ITGBL1: variants seen among roughly 807,000 people sequenced by gnomAD.
ITGBL1 encodes the protein integrin beta-like protein 1.
ITGBL1 carries 51 observed loss-of-function variants against 68.5 expected under a neutral mutation model. The ratio of observed to expected loss-of-function variants is 0.74; its 90% CI spans 0.59 to 0.94. The LOEUF is 0.94. Among genes scored for constraint, ITGBL1 ranks in the 40% least tolerant of loss-of-function variants. ITGBL1 has a pLI of 0.00. For missense variants in ITGBL1, 649 were observed against 647.4 expected (o/e 1.00, Z -0.03); for synonymous variants, 209 against 227.3 (o/e 0.92, Z 0.72).
intron 7 of ITGBL1, among the ~76,000 whole-genome samples, chr13:101,637,470 A>G (rs1023321303): frequency 1.3e-5 from 2 of 151,280 alleles, no homozygotes; most frequent in African/African-American, 4.9e-5. Context: ...CAGCCTCCCG[A>G]GTAGCTGGGA....
At chr13:101,652,605 T>C (rs2139456593) in intron 7 of ITGBL1, among the ~76,000 whole-genome samples, 1 of 152,274 alleles carries the variant, frequency 6.6e-6, no homozygotes, top group East Asian at 1.9e-4. Flanking sequence ...AATCCAAATT[T>C]TTTGTCTGAG....
chr13:101,661,797 A>T (rs926252468), intron 7 of ITGBL1, among the ~76,000 whole-genome samples: 1 of 152,176 alleles, frequency 6.6e-6, no homozygotes, highest in Non-Finnish European at 1.5e-5. Context: ...AGAAAAGACT[A>T]GGTTTAGAAA....
chr13:101,517,826 G>A (rs896028169), intron 2 of ITGBL1, among the ~76,000 whole-genome samples: 6 of 152,126 alleles, frequency 3.9e-5, no homozygotes, highest in African/African-American at 1.4e-4. Context: ...TGGGGGTAGG[G>A]CTGGAGAGGA....
At chr13:101,461,867 C>T (rs2048322783) in intron 2 of ITGBL1, among the ~76,000 whole-genome samples, 1 of 152,196 alleles carries the variant, frequency 6.6e-6, no homozygotes, top group African/African-American at 2.4e-5. Flanking sequence ...AACCTTGAGG[C>T]TTAAACAGCT....
chr13:101,490,117 G>A (rs1259568885), intron 2 of ITGBL1: 1 of 689,540 alleles, frequency 1.5e-6, no homozygotes, highest in Non-Finnish European at 2.4e-6. Flanking sequence ...TTGGAGGTGG[G>A]GCCTTTTGGA....
At chr13:101,580,553 T>A (rs1300512357) in intron 5 of ITGBL1, among the ~76,000 whole-genome samples, 1 of 152,200 alleles carries the variant, frequency 6.6e-6, no homozygotes, top group Non-Finnish European at 1.5e-5. Context: ...ACTTATCATT[T>A]ACATTAGGTA....
intron 4 of ITGBL1, among the ~76,000 whole-genome samples, chr13:101,577,167 C>G (rs2139275217): frequency 6.6e-6 from 1 of 152,232 alleles, no homozygotes; most frequent in African/African-American, 2.4e-5. Flanking sequence ...ACAAGGACAC[C>G]AGCACTGCAG....
At chr13:101,478,270 G>A (rs777128508) in intron 2 of ITGBL1, among the ~76,000 whole-genome samples, 4 of 151,660 alleles carry the variant, frequency 2.6e-5, no homozygotes, top group Non-Finnish European at 3.0e-5. Flanking sequence ...AAAAGCATTG[G>A]ATAAGTCACT....
chr13:101,701,632 T>G (rs531714452), intron 8 of ITGBL1, among the ~76,000 whole-genome samples: 1 of 152,276 alleles, frequency 6.6e-6, no homozygotes, highest in Non-Finnish European at 1.5e-5. Flanking sequence ...TTATTCTTAA[T>G]AATATTGTAA....
intron 2 of ITGBL1, among the ~76,000 whole-genome samples, chr13:101,499,534 A>G (rs1257329379): frequency 6.6e-6 from 1 of 152,170 alleles, no homozygotes; most frequent in Non-Finnish European, 1.5e-5. Context: ...GTTTCTCCCG[A>G]CTTTGACTTT....
intron 7 of ITGBL1, among the ~76,000 whole-genome samples, chr13:101,604,668 T>A (rs2030581659): frequency 6.6e-6 from 1 of 150,536 alleles, no homozygotes; most frequent in Non-Finnish European, 1.5e-5. Flanking sequence ...GTATGAAAAC[T>A]TGTAAAGAGT....
In ITGBL1 at chr13:101,547,025, A is replaced by G. The variant is rs531374123; in HGVS notation, c.317-20674A>G. On this transcript the variant is annotated intron_variant, in intron 2 of 10. Coordinates refer to ENST00000376180, the MANE Select transcript of ITGBL1 (RefSeq NM_004791.3). ...AACACAAAATAAAATCCTATTGATT[A>G]CTAAAAATATCTCTTGGAAATCTTA... is the stretch of plus-strand genomic sequence containing the variant. 1.1e-4 allele frequency among the ~76,000 whole-genome samples: 17 copies of G among 152,166 alleles called. 1 individual carries two copies. In the South Asian group the frequency reaches 3.5e-3, roughly 31 times the overall value.
downstream of ITGBL1, chr13:101,717,117 T>C (rs1432299935): frequency 2.0e-5 from 3 of 152,244 alleles, no homozygotes; most frequent in East Asian, 5.8e-4. Context: ...TACTTGGAAA[T>C]TTTATTTTAA....
intron 2 of ITGBL1, among the ~76,000 whole-genome samples, chr13:101,555,666 T>C (rs2049992716): frequency 7.4e-6 from 1 of 135,204 alleles, no homozygotes. Context: ...TGTATATATA[T>C]GCATGTATTT....
intron 2 of ITGBL1, among the ~76,000 whole-genome samples, chr13:101,557,956 A>T (rs9518444): frequency 6.6e-6 from 1 of 151,656 alleles, no homozygotes; most frequent in Non-Finnish European, 1.5e-5. Flanking sequence ...AGGCATGGTG[A>T]TGCACTCCTG....
intron 2 of ITGBL1, among the ~76,000 whole-genome samples, chr13:101,469,830 A>C (rs983480991): frequency 2.0e-5 from 3 of 152,214 alleles, no homozygotes; most frequent in African/African-American, 7.2e-5. Context: ...AAAACTAAGC[A>C]GGCAGGTTTG....
At position 101,706,780 on chromosome 13, in the gene ITGBL1, G is replaced by A. The variant is rs757663316; in HGVS notation, c.1157G>A (p.Arg386His). Residue 386 changes from arginine (R) to histidine (H), a missense_variant, in exon 9 of 11, where the codon CGC becomes CAC. Arg to His is a conservative substitution (Grantham distance 29). Transcript: ENST00000376180. The part of the protein sequence containing the change: ...CGGHGTCSCG[R>H]CVCERGWFGK... ...GGCCACGGCACATGTTCCTGTGGTC[G>A]CTGTGTTTGTGAGAGAGGATGGTTT... 7.4e-6 allele frequency: 12 copies of A among 1,614,044 alleles called. No individual in the cohort carries two copies. The highest frequency in any genetic ancestry group is 1.3e-5 in the African/African-American group (1 of 75,042).
chr13:101,477,224 CA>C (rs1304198388), intron 2 of ITGBL1, among the ~76,000 whole-genome samples: 2 of 151,956 alleles, frequency 1.3e-5, no homozygotes, highest in Non-Finnish European at 2.9e-5. Flanking sequence ...AGAAATTAAA[CA>C]ATATGCTCCT....
chr13:101,690,862 A>G (rs1022231164), intron 7 of ITGBL1, among the ~76,000 whole-genome samples: 1 of 152,084 alleles, frequency 6.6e-6, no homozygotes, highest in African/African-American at 2.4e-5. Flanking sequence ...TCTGCCAATT[A>G]TGGTTCTTGA....
Sources: allele counts gnomAD v4.1 joint callset (sites outside exome capture counted in the v4.1 genomes callset), GRCh38; gene constraint gnomAD v4.1.1; transcripts MANE v1.5; gene names NCBI Gene and HGNC (gene_info 2026-07-23, HGNC 2026-07-21).